METTL15: variants seen among roughly 807,000 people sequenced by gnomAD.
METTL15 encodes the protein 12S rRNA N(4)-cytidine methyltransferase METTL15.
Under a neutral mutation model 38.3 loss-of-function variants are expected in METTL15, and 34 were observed. The observed-to-expected ratio is 0.89, with a 90% CI of 0.68 to 1.18. METTL15 has a LOEUF of 1.18. Among genes scored for constraint, METTL15 ranks in the 50% most tolerant of loss-of-function variants. The pLI, the probability that METTL15 is intolerant of heterozygous loss-of-function variation, is 0.00. For missense variants in METTL15, 438 were observed against 498.4 expected (o/e 0.88, Z 1.15); for synonymous variants, 162 against 170.9 (o/e 0.95, Z 0.41).
At chr11:28,220,341 T>G (rs1040225359) in intron 4 of METTL15, among the ~76,000 whole-genome samples, 3 of 152,198 alleles carry the variant, frequency 2.0e-5, no homozygotes, top group African/African-American at 7.2e-5. Context: ...CTTTTGATCT[T>G]TGTTGGTTTA....
chr11:28,268,203 A>AAG (rs1196123624), intron 4 of METTL15, among the ~76,000 whole-genome samples: 1 of 149,930 alleles, frequency 6.7e-6, no homozygotes, highest in Non-Finnish European at 1.5e-5. Flanking sequence ...TCTCAAAAAA[A>AAG]AAAAAAAAAA....
At chr11:28,154,406 G>A (rs1478669390) in intron 3 of METTL15, among the ~76,000 whole-genome samples, 1 of 151,922 alleles carries the variant, frequency 6.6e-6, no homozygotes, top group Non-Finnish European at 1.5e-5. Flanking sequence ...GTAATCTTTG[G>A]CAAGTCACTT....
At chr11:28,510,295 A>C (rs1458630405) in intron 6 of METTL15, among the ~76,000 whole-genome samples, 1 of 152,242 alleles carries the variant, frequency 6.6e-6, no homozygotes, top group Non-Finnish European at 1.5e-5. Context: ...TAAATCAGAA[A>C]GTAAATAGCC....
intron 6 of METTL15, among the ~76,000 whole-genome samples, chr11:28,448,107 T>C (rs1851090079): frequency 6.6e-6 from 1 of 151,792 alleles, no homozygotes; most frequent in East Asian, 1.9e-4. Context: ...TTTCTCATCC[T>C]TCTCACTTTC....
chr11:28,215,684 A>C (rs959712044), intron 4 of METTL15, among the ~76,000 whole-genome samples: 1 of 152,158 alleles, frequency 6.6e-6, no homozygotes, highest in African/African-American at 2.4e-5. Context: ...AGGGCATACA[A>C]GAAGATTTGA....
rs1030457836 is a variant in METTL15 at position 28,138,702 on chromosome 11, G to A, written c.270+25098G>A. ...CATTCCCTATGCCAAAATTGAACCC[G>A]GGCCACCATTTTAAAATGGCAGAGG... On this transcript the variant is annotated intron_variant, in intron 3 of 6. Transcript: ENST00000407364. 1.1e-4 allele frequency among the ~76,000 whole-genome samples: 17 copies of A among 152,258 alleles called. 1 individual carries two copies. Among genetic ancestry groups the A allele is most frequent in the Admixed American group, 7.2e-4 (11 of 15,292 alleles).
At chr11:28,442,471 A>G (rs1003163116) in intron 6 of METTL15, among the ~76,000 whole-genome samples, 3 of 152,172 alleles carry the variant, frequency 2.0e-5, no homozygotes, top group African/African-American at 7.2e-5. Flanking sequence ...GTGGCATATG[A>G]TAGACAATAT....
intron 5 of METTL15, among the ~76,000 whole-genome samples, chr11:28,368,798 A>T (rs992780665): frequency 6.6e-6 from 1 of 152,232 alleles, no homozygotes; most frequent in African/African-American, 2.4e-5. Context: ...TGTGGCATGT[A>T]TACACCATGG....
chr11:28,241,625 A>C (rs1334348174), intron 4 of METTL15, among the ~76,000 whole-genome samples: 1 of 152,094 alleles, frequency 6.6e-6, no homozygotes, highest in Admixed American at 6.5e-5. Context: ...CAGTTTTCCA[A>C]AGGATAAATA....
rs578195397 is a variant in METTL15, at chr11:28,441,033, C to T, written c.*424+16669C>T. On this transcript the variant is annotated intron_variant and NMD_transcript_variant, in intron 6 of 7. Transcript: ENST00000532947. ...TTGTGGGGGCGGGGCAGGGGGCATT[C>T]TGGTTGGCTTTTACTTATGACACTA... is the stretch of plus-strand genomic sequence containing the variant. 4.9e-5 allele frequency among the ~76,000 whole-genome samples: 7 copies of T among 143,720 alleles called. 1 individual carries two copies. Among genetic ancestry groups the T allele is most frequent in the African/African-American group, 1.8e-4 (7 of 39,160 alleles). 94.3% of individuals were successfully genotyped at this position (143,720 alleles called of 152,430 possible). A position where few individuals can be genotyped will look rare whatever the true frequency, so the allele number is the denominator to read the frequency against.
intron 6 of METTL15, among the ~76,000 whole-genome samples, chr11:28,468,850 T>A (rs1183996639): frequency 6.6e-6 from 1 of 152,190 alleles, no homozygotes; most frequent in Non-Finnish European, 1.5e-5. Flanking sequence ...CATGGTTGAA[T>A]GAAAGATTGA....
At chr11:28,183,992 G>A (rs1163637673) in intron 3 of METTL15, among the ~76,000 whole-genome samples, 2 of 152,028 alleles carry the variant, frequency 1.3e-5, no homozygotes, top group East Asian at 3.9e-4. Flanking sequence ...TTGGGAGGGT[G>A]TGTGTGTCCA....
At chr11:28,186,724 A>C (rs1447693921) in intron 3 of METTL15, among the ~76,000 whole-genome samples, 6 of 151,196 alleles carry the variant, frequency 4.0e-5, no homozygotes, top group Non-Finnish European at 3.0e-5. Flanking sequence ...TGTTTCTTTA[A>C]TAATTACCTT....
At chr11:28,513,885 C>T (rs184446982) in intron 6 of METTL15, among the ~76,000 whole-genome samples, 4 of 152,334 alleles carry the variant, frequency 2.6e-5, no homozygotes, top group South Asian at 4.1e-4. Context: ...TCCGGTAAAC[C>T]CACAACCTTC....
chr11:28,234,140 T>C (rs1565188992), intron 4 of METTL15, among the ~76,000 whole-genome samples: 4 of 152,206 alleles, frequency 2.6e-5, no homozygotes, highest in Non-Finnish European at 4.4e-5. Context: ...GAACTCATCA[T>C]TTTTAATGGC....
At chr11:28,233,450 T>C (rs1460283636) in intron 4 of METTL15, among the ~76,000 whole-genome samples, 1 of 152,060 alleles carries the variant, frequency 6.6e-6, no homozygotes, top group Non-Finnish European at 1.5e-5. Flanking sequence ...TACTCATATA[T>C]AGACTGTGGC....
chr11:28,140,352 A>G (rs866065129), intron 3 of METTL15, among the ~76,000 whole-genome samples: 3 of 152,166 alleles, frequency 2.0e-5, no homozygotes, highest in African/African-American at 7.2e-5. Context: ...TAAGGCTGAC[A>G]TTCCCAACCC....
chr11:28,289,700 T>G (rs1856433094), intron 4 of METTL15, among the ~76,000 whole-genome samples: 1 of 152,176 alleles, frequency 6.6e-6, no homozygotes, highest in African/African-American at 2.4e-5. Context: ...GTTTCATTCC[T>G]CAAGTTTATA....
intron 5 of METTL15, among the ~76,000 whole-genome samples, chr11:28,373,953 T>C (rs1449922514): frequency 6.6e-6 from 1 of 152,118 alleles, no homozygotes; most frequent in Admixed American, 6.6e-5. Flanking sequence ...TTTTGTCAGG[T>C]TTGTCAAAGA....
Sources: allele counts gnomAD v4.1 joint callset (sites outside exome capture counted in the v4.1 genomes callset), GRCh38; gene constraint gnomAD v4.1.1; transcripts MANE v1.5; gene names NCBI Gene and HGNC (gene_info 2026-07-23, HGNC 2026-07-21).